The following VPS54 variants were observed in gnomAD, a reference collection of about 807,000 sequenced individuals.
VPS54 encodes VPS54 subunit of GARP complex, also known as vacuolar protein sorting-associated protein 54.
VPS54 carries 45 observed loss-of-function variants against 121.5 expected under a neutral mutation model. The ratio of observed to expected loss-of-function variants is 0.37; its 90% CI spans 0.29 to 0.47. VPS54 has a LOEUF of 0.47. Ranked by LOEUF, VPS54 falls within the 20% of genes least tolerant of loss-of-function variation. The pLI is 0.99. For missense variants in VPS54, 1,090 were observed against 1,131.4 expected, an observed-to-expected ratio of 0.96 and a Z score of 0.52; for synonymous variants, 371 against 385.8, an observed-to-expected ratio of 0.96 and a Z score of 0.45.
intron 3 of VPS54, among the ~76,000 whole-genome samples, chr2:63,976,366 A>G (rs996661253): frequency 1.3e-5 from 2 of 148,742 alleles, no homozygotes; most frequent in African/African-American, 4.9e-5. Context: ...AAAAAAAAAC[A>G]AAAAACAAAA....
rs527254814 is a variant in VPS54, at chr2:64,015,604, A to G, written c.-21+3334T>C. Among the ~76,000 whole-genome samples, 4 of 152,296 alleles carry G rather than the reference A, an allele frequency of 2.6e-5. No homozygotes were observed. In the East Asian group the frequency reaches 5.8e-4, roughly 22 times the overall value. On this transcript the variant is annotated intron_variant, in intron 1 of 22. Coordinates refer to ENST00000272322, the MANE Select transcript of VPS54 (RefSeq NM_016516.3). Reference sequence around the variant, plus strand: ...ATCCTTGGCCAATACCATTTCCTTCAGCTATGACAACCAAAAATGTCTCTA... The same window carrying G: ...ATCCTTGGCCAATACCATTTCCTTCGGCTATGACAACCAAAAATGTCTCTA...
intron 20 of VPS54, among the ~76,000 whole-genome samples, chr2:63,909,512 C>A (rs1314957983): frequency 7.0e-6 from 1 of 143,350 alleles, no homozygotes; most frequent in East Asian, 2.1e-4. Context: ...ACCTCCGCCT[C>A]GTGGGTTCAA....
At chr2:63,904,014 A>G (rs919792987) in intron 20 of VPS54, among the ~76,000 whole-genome samples, 7 of 152,210 alleles carry the variant, frequency 4.6e-5, no homozygotes, top group African/African-American at 1.4e-4. Flanking sequence ...AACTTTAAAT[A>G]AGGCATAGAT....
chr2:63,907,504 G>A (rs1016089437), intron 20 of VPS54, among the ~76,000 whole-genome samples: 16 of 136,792 alleles, frequency 1.2e-4, no homozygotes, highest in African/African-American at 4.1e-4. Context: ...GGCAACAAGA[G>A]AGAAACTCCA....
chr2:63,920,072 G>A (rs1351563399), intron 14 of VPS54, 77 bp from the exon 15 acceptor site: 7 of 1,238,346 alleles, frequency 5.7e-6, no homozygotes, highest in Non-Finnish European at 7.9e-6. Context: ...AGAAAAGGAA[G>A]AAGAGCTGAG....
intron 15 of VPS54, among the ~76,000 whole-genome samples, chr2:63,918,080 A>T (rs1225354795): frequency 6.6e-6 from 1 of 152,006 alleles, no homozygotes; most frequent in East Asian, 1.9e-4. Flanking sequence ...ATAAATGGGT[A>T]ATAATCCAGG....
Position 63,971,873 on chromosome 2 carries a change from T to A in VPS54, c.457+293A>T, listed in dbSNP as rs73935038. On this transcript the variant is annotated intron_variant, in intron 4 of 22. Transcript: ENST00000272322. ...CTCCCACCTCAGCCTCCCAAGTAGT[T>A]GGGACTACACACATGTGCCATCATG... Among the ~76,000 whole-genome samples the A allele has an allele frequency of 5.1e-3, 783 of 152,306 alleles. 10 individuals are homozygous for A. Among genetic ancestry groups the A allele is most frequent in the African/African-American group, 0.018 (744 of 41,558 alleles).
chr2:63,923,209 G>A (rs986428521), intron 12 of VPS54, among the ~76,000 whole-genome samples: 1 of 152,002 alleles, frequency 6.6e-6, no homozygotes, highest in East Asian at 1.9e-4. Context: ...CCAGCTACTT[G>A]GGAGGCTGAG....
intron 7 of VPS54, among the ~76,000 whole-genome samples, chr2:63,953,766 G>A (rs1675368394): frequency 6.6e-6 from 1 of 152,068 alleles, no homozygotes; most frequent in Non-Finnish European, 1.5e-5. Context: ...GGGTTGTGGG[G>A]GAGAAAAACT....
At chr2:63,963,366 C>T (rs1038753026) in intron 6 of VPS54, among the ~76,000 whole-genome samples, 1 of 151,980 alleles carries the variant, frequency 6.6e-6, no homozygotes, top group Non-Finnish European at 1.5e-5. Flanking sequence ...TTTGCCTTTT[C>T]TTCCTTTCTA....
intron 20 of VPS54, among the ~76,000 whole-genome samples, chr2:63,903,793 CAAAAT>C (rs1232387031): frequency 6.6e-6 from 1 of 151,540 alleles, no homozygotes; most frequent in Non-Finnish European, 1.5e-5. Context: ...AAAGATTAAA[CAAAAT>C]AAAACTATAA....
At chr2:63,919,817 A>T in intron 15 of VPS54, 66 bp downstream of exon 15, 1 of 1,153,808 alleles carries the variant, frequency 8.7e-7, no homozygotes. Context: ...AAGAAATATT[A>T]AGCATTAATA....
chr2:63,962,482 C>T (rs776387284), intron 6 of VPS54, 39 bp from the exon 7 acceptor site: 4 of 1,545,356 alleles, frequency 2.6e-6, no homozygotes, highest in Non-Finnish European at 3.5e-6. Flanking sequence ...GTACTATGAG[C>T]ATACCTTCCT....
intron 9 of VPS54, among the ~76,000 whole-genome samples, chr2:63,946,056 C>T (rs564792584): frequency 6.6e-6 from 1 of 152,194 alleles, no homozygotes; most frequent in East Asian, 1.9e-4. Context: ...GTTACTACTT[C>T]CTCCCAAAAT....
At chr2:63,943,078 T>G (rs925853713) in intron 10 of VPS54, among the ~76,000 whole-genome samples, 1 of 152,178 alleles carries the variant, frequency 6.6e-6, no homozygotes, top group Non-Finnish European at 1.5e-5. Flanking sequence ...ATGAGGAAAC[T>G]GACAGAACCT....
In VPS54 at chr2:63,899,499, T is replaced by G; in HGVS notation, c.2708A>C (p.Asp903Ala). ...CTGTGTTTGTTCTTCTGGAAGGAGATCAAATATAGCTTCGTGCATTTTTGT... is the reference window on the plus strand; with the variant it reads ...CTGTGTTTGTTCTTCTGGAAGGAGAGCAAATATAGCTTCGTGCATTTTTGT... ...QMTKMHEAIF[D>A]LLPEEQTQML... Residue 903 changes from aspartate (D) to alanine (A), a missense_variant, in exon 21 of 23, where the codon GAT becomes GCT. By Grantham distance (126) the Asp-to-Ala change is moderately radical. This residue lies in a region of VPS54 where 289 missense variants were observed against 374.4 expected (regional missense o/e 0.77). Transcript: ENST00000272322. 1 of 1,613,860 alleles carries G rather than the reference T, an allele frequency of 6.2e-7. No individual in the cohort carries two copies. Among genetic ancestry groups the G allele is most frequent in the Non-Finnish European group, 8.5e-7 (1 of 1,179,920 alleles).
chr2:63,904,342 G>A (rs1470049035), intron 20 of VPS54, among the ~76,000 whole-genome samples: 3 of 148,594 alleles, frequency 2.0e-5, no homozygotes, highest in Non-Finnish European at 3.0e-5. Context: ...AGGAGGCTGA[G>A]GCAGGAGAAT....
At position 64,013,993 on chromosome 2, in the gene VPS54, C is replaced by T. The variant is rs556189894; in HGVS notation, c.-21+4945G>A. 2.7e-5 allele frequency among the ~76,000 whole-genome samples: 4 copies of T among 148,708 alleles called. No individual in the cohort carries two copies. In the South Asian group the frequency reaches 8.4e-4, roughly 31 times the overall value. On this transcript the variant is annotated intron_variant, in intron 1 of 22. Transcript: ENST00000272322. ...AGATCACAAGGTCAGGAGTTCGAGA[C>T]CAGTCTGACCAACATGGCGAAACCC...
At chr2:63,998,311 T>A (rs1307021568) in intron 1 of VPS54, among the ~76,000 whole-genome samples, 1 of 152,196 alleles carries the variant, frequency 6.6e-6, no homozygotes, top group East Asian at 1.9e-4. Context: ...ATAGGTGAAG[T>A]GTGTTTCTTG....
Sources: gnomAD v4.1 joint callset for allele counts (sites outside exome capture counted in the v4.1 genomes callset) on GRCh38, gnomAD v4.1.1 for gene constraint, gnomAD v4.1.1 regional missense constraint, MANE v1.5 for transcripts, NCBI Gene and HGNC (gene_info 2026-07-23, HGNC 2026-07-21) for gene names.